NLRP1: variants seen among roughly 807,000 people sequenced by gnomAD.
NLRP1 encodes the protein NLR family pyrin domain containing 1.
NLRP1 carries 94 observed loss-of-function variants against 136.7 expected under a neutral mutation model. The observed-to-expected ratio is 0.69, with a 90% CI of 0.58 to 0.82. The LOEUF (loss-of-function observed/expected upper bound fraction) is 0.82, where lower values mean the gene tolerates loss of function less well. Ranked by LOEUF, NLRP1 falls within the 40% of genes least tolerant of loss-of-function variation. The pLI, the probability that NLRP1 is intolerant of heterozygous loss-of-function variation, is 0.00. For synonymous variants in NLRP1, 690 were observed against 725.1 expected, an observed-to-expected ratio of 0.95 and a Z score of 0.78; for missense variants, 1,575 against 1,802.7, an observed-to-expected ratio of 0.87 and a Z score of 2.29.
At chr17:5,555,845 C>A (rs9674729) in intron 4 of NLRP1, among the ~76,000 whole-genome samples, 18,654 of 151,868 alleles carry the variant, frequency 0.12, 2,010 homozygotes, top group East Asian at 0.58. Context: ...GTGATCCCAG[C>A]ACTTTGGGAG....
chr17:5,566,628 G>T (rs1227285741), intron 3 of NLRP1, among the ~76,000 whole-genome samples: 2 of 152,078 alleles, frequency 1.3e-5, no homozygotes, highest in African/African-American at 4.8e-5. Flanking sequence ...AAAAGAATGT[G>T]TATTCTGCAG....
rs1433578128 is a variant in NLRP1 at position 5,541,244 on chromosome 17, C to T, written c.2699+613G>A. On this transcript the variant is annotated intron_variant, in intron 6 of 16. Coordinates refer to ENST00000572272, the MANE Select transcript of NLRP1 (RefSeq NM_033004.4). The surrounding 1 kb of genome is among the most constrained non-coding windows in gnomAD (Gnocchi z 4.2). ...TAGTTTTAGTAGAGACAAGGTTTCA[C>T]CATGTTGGCTAGGCTGGTCTGGAAC... Among the ~76,000 whole-genome samples the T allele has an allele frequency of 2.6e-5, 4 of 152,144 alleles. No homozygotes were observed. Among genetic ancestry groups the T allele is most frequent in the Non-Finnish European group, 5.9e-5 (4 of 68,014 alleles).
chr17:5,557,247 C>T (rs1351354902), intron 4 of NLRP1, among the ~76,000 whole-genome samples: 1 of 152,116 alleles, frequency 6.6e-6, no homozygotes, highest in Non-Finnish European at 1.5e-5. Context: ...TCAAGTGATC[C>T]TCCTGCTTCA....
chr17:5,566,350 T>C (rs982474628), intron 3 of NLRP1, among the ~76,000 whole-genome samples: 1 of 152,088 alleles, frequency 6.6e-6, no homozygotes, highest in Non-Finnish European at 1.5e-5. Flanking sequence ...TTTGGTATAT[T>C]GTGTTTCCAT....
chr17:5,521,497 C>T (rs375391186), intron 13 of NLRP1, 27 bp downstream of exon 13: 3 of 1,604,756 alleles, frequency 1.9e-6, no homozygotes, highest in Admixed American at 1.7e-5. Context: ...CCCACCGTGG[C>T]CCAGCCTTTC....
chr17:5,520,764 T>C (rs1908789346), intron 14 of NLRP1, 117 bp downstream of exon 14: 3 of 990,314 alleles, frequency 3.0e-6, no homozygotes, highest in East Asian at 2.8e-5. Flanking sequence ...CCCACTCACT[T>C]TCTGTTCAAC....
Position 5,559,301 on chromosome 17 carries a change from G to A in NLRP1, c.1395C>T (p.Asn465=), listed in dbSNP as rs199618044. ...GTGCCTGCTCCAAAGAAGGAATGAG[G>A]TTCTGCAGAGCTGTGGTCCGAGCCG... The part of the protein sequence containing the change: ...LITARTTALQ[N]LIPSLEQARW... The change falls in exon 4 of 17, where the codon AAC becomes AAT. Residue 465 remains asparagine (N), a synonymous_variant. Transcript: ENST00000572272. 1.2e-6 allele frequency: 2 copies of A among 1,614,050 alleles called. No individual in the cohort carries two copies. The highest frequency in any genetic ancestry group is 1.7e-6 in the Non-Finnish European group (2 of 1,180,028).
chr17:5,533,129 A>G, intron 10 of NLRP1, 145 bp from the exon 11 acceptor site: 1 of 1,435,532 alleles, frequency 7.0e-7, no homozygotes, highest in Non-Finnish European at 9.3e-7. Context: ...CTCCTGCTCC[A>G]TGGCTGCCTG....
At chr17:5,557,000 A>T (rs1335590534) in intron 4 of NLRP1, among the ~76,000 whole-genome samples, 1 of 151,854 alleles carries the variant, frequency 6.6e-6, no homozygotes, top group East Asian at 1.9e-4. Flanking sequence ...TATCTACGTT[A>T]TCTTTTGTTT....
chr17:5,547,675 A>T (rs1912851718), intron 5 of NLRP1, among the ~76,000 whole-genome samples: 1 of 152,218 alleles, frequency 6.6e-6, no homozygotes, highest in Non-Finnish European at 1.5e-5. Context: ...AGGTAGAACC[A>T]GGATTCCTTA....
chr17:5,528,443 C>A (rs188569840), intron 12 of NLRP1, among the ~76,000 whole-genome samples: 2 of 152,282 alleles, frequency 1.3e-5, no homozygotes, highest in Admixed American at 6.5e-5. Context: ...AGGGAATGCC[C>A]ATATGACCCT....
At chr17:5,524,528 G>A (rs1339267225) in intron 12 of NLRP1, among the ~76,000 whole-genome samples, 1 of 152,228 alleles carries the variant, frequency 6.6e-6, no homozygotes, top group Non-Finnish European at 1.5e-5. Context: ...TGAGGAAAGC[G>A]TGTGAGATGG....
At chr17:5,521,491 C>T (rs971509629) in intron 13 of NLRP1, 33 bp downstream of exon 13, 16 of 1,600,934 alleles carry the variant, frequency 1.0e-5, no homozygotes, top group African/African-American at 1.3e-5. Context: ...CGTCAACCCA[C>T]CGTGGCCCAG....
intron 3 of NLRP1, among the ~76,000 whole-genome samples, chr17:5,569,697 AT>A (rs1454289317): frequency 6.6e-6 from 1 of 152,180 alleles, no homozygotes; most frequent in Admixed American, 6.6e-5. Context: ...CACTGACAGT[AT>A]TGAACAGATC....
At position 5,533,037 on chromosome 17, in the gene NLRP1, A is replaced by C. The variant is rs1910521379; in HGVS notation, c.3134-53T>G. On this transcript the variant is annotated intron_variant, in intron 10 of 16. Coordinates refer to ENST00000572272, the MANE Select transcript of NLRP1 (RefSeq NM_033004.4). ...CAGATTCTCCCGCCTGGCCTCCCCTAGCCCCTATGGCTGCACTGTAAGGGG... is the reference window on the plus strand; with the variant it reads ...CAGATTCTCCCGCCTGGCCTCCCCTCGCCCCTATGGCTGCACTGTAAGGGG... 5 of 1,554,768 alleles carry C rather than the reference A, an allele frequency of 3.2e-6. No individual in the cohort carries two copies. In the East Asian group the frequency reaches 1.1e-4, roughly 35 times the overall value.
intron 5 of NLRP1, among the ~76,000 whole-genome samples, chr17:5,546,878 G>A (rs1460397344): frequency 6.6e-6 from 1 of 152,180 alleles, no homozygotes; most frequent in Non-Finnish European, 1.5e-5. Context: ...ATATGGAGAT[G>A]TTTTTATTGT....
intron 3 of NLRP1, among the ~76,000 whole-genome samples, chr17:5,573,515 CT>C (rs1224596635): frequency 1.3e-5 from 2 of 152,232 alleles, no homozygotes; most frequent in Non-Finnish European, 2.9e-5. Flanking sequence ...GACAGACTGC[CT>C]CCTCAGGTGG....
intron 4 of NLRP1, among the ~76,000 whole-genome samples, chr17:5,554,043 T>TGC (rs1374012756): frequency 6.6e-6 from 1 of 152,138 alleles, no homozygotes; most frequent in Non-Finnish European, 1.5e-5. Flanking sequence ...GGAGTCCCAG[T>TGC]GCCCAGGAAA....
chr17:5,575,074 G>C (rs558990796), intron 3 of NLRP1, among the ~76,000 whole-genome samples: 1 of 152,112 alleles, frequency 6.6e-6, no homozygotes, highest in Non-Finnish European at 1.5e-5. Context: ...AGCAAATGCT[G>C]AGAGATTTTG....
Sources: gnomAD v4.1 joint callset for allele counts (sites outside exome capture counted in the v4.1 genomes callset) on GRCh38, gnomAD v4.1.1 for gene constraint, Gnocchi (gnomAD v3.1) non-coding constraint, MANE v1.5 for transcripts, NCBI Gene and HGNC (gene_info 2026-07-23, HGNC 2026-07-21) for gene names.